DLGAP4: variants seen among roughly 807,000 people sequenced by gnomAD.
The protein encoded by DLGAP4 is DLG associated protein 4.
DLGAP4 carries 18 observed loss-of-function variants against 86.9 expected under a neutral mutation model. The observed-to-expected ratio is 0.21, with a 90% CI of 0.14 to 0.31. The LOEUF (loss-of-function observed/expected upper bound fraction) is 0.31. Among genes scored for constraint, DLGAP4 ranks in the 10% least tolerant of loss-of-function variants. DLGAP4 has a pLI of 1.00. For missense variants in DLGAP4, 1,085 were observed against 1,362.6 expected (o/e 0.80, Z 3.21); for synonymous variants, 548 against 574.3 (o/e 0.95, Z 0.65).
chr20:36,496,016 G>A (rs1157220505), intron 7 of DLGAP4, among the ~76,000 whole-genome samples: 3 of 152,140 alleles, frequency 2.0e-5, no homozygotes, highest in Admixed American at 6.5e-5. Context: ...GGGATTACAG[G>A]CATGCGCCAC....
At chr20:36,481,822 G>A (rs1324044003) in intron 7 of DLGAP4, among the ~76,000 whole-genome samples, 1 of 152,142 alleles carries the variant, frequency 6.6e-6, no homozygotes. Context: ...GAGTTCAGTG[G>A]GGACTGCGCC....
Position 36,320,681 on chromosome 20 carries a change from G to A in DLGAP4, c.-304+14169G>A, listed in dbSNP as rs545518045. ...TGAGCAGCCACACCTGGTACCTGGAGTCTGGGCCCCCCTGAGCCCTTTGCC... is the reference window on the plus strand; with the variant it reads ...TGAGCAGCCACACCTGGTACCTGGAATCTGGGCCCCCCTGAGCCCTTTGCC... On this transcript the variant is annotated intron_variant, in intron 1 of 12. Transcript: ENST00000339266. Among the ~76,000 whole-genome samples, 3 of 152,262 alleles carry A rather than the reference G, an allele frequency of 2.0e-5. No individual in the cohort carries two copies. In the East Asian group the frequency reaches 5.8e-4, roughly 29 times the overall value.
intron 7 of DLGAP4, among the ~76,000 whole-genome samples, chr20:36,455,515 T>C (rs1217677230): frequency 6.6e-6 from 1 of 152,114 alleles, no homozygotes; most frequent in East Asian, 1.9e-4. Flanking sequence ...TGCTTGTGGC[T>C]CTAGGCTGAC....
At chr20:36,333,276 TCTC>T (rs1463618879) in intron 1 of DLGAP4, among the ~76,000 whole-genome samples, 2 of 152,078 alleles carry the variant, frequency 1.3e-5, no homozygotes, top group Non-Finnish European at 2.9e-5. Flanking sequence ...ATGCAGCTCT[TCTC>T]CTTCTATTGG....
At chr20:36,516,753 C>A (rs2037061749) in intron 10 of DLGAP4, among the ~76,000 whole-genome samples, 1 of 151,292 alleles carries the variant, frequency 6.6e-6, no homozygotes, top group African/African-American at 2.4e-5. Flanking sequence ...GTTTCATTTC[C>A]TCTGAATAAA....
intron 4 of DLGAP4, among the ~76,000 whole-genome samples, chr20:36,437,186 C>A (rs1484728771): frequency 1.3e-5 from 2 of 152,228 alleles, no homozygotes; most frequent in Non-Finnish European, 2.9e-5. Context: ...GTTGGCCCTG[C>A]ACTCTGATGA....
chr20:36,370,546 G>C (rs2030886930), intron 2 of DLGAP4, among the ~76,000 whole-genome samples: 1 of 151,880 alleles, frequency 6.6e-6, no homozygotes, highest in South Asian at 2.1e-4. Context: ...TGGGGAGAAG[G>C]CCAAGGCATA....
At chr20:36,322,691 C>T (rs1426150471) in intron 1 of DLGAP4, among the ~76,000 whole-genome samples, 2 of 152,172 alleles carry the variant, frequency 1.3e-5, no homozygotes, top group African/African-American at 4.8e-5. Context: ...ATTAGTCCTG[C>T]TCATCTGCAG....
At chr20:36,400,970 C>A (rs1319304987) in intron 2 of DLGAP4, among the ~76,000 whole-genome samples, 1 of 152,094 alleles carries the variant, frequency 6.6e-6, no homozygotes, top group Non-Finnish European at 1.5e-5. Flanking sequence ...CCCCCTTTGC[C>A]GGAAAAACTG....
chr20:36,434,914 T>C (rs1276857354), intron 3 of DLGAP4, among the ~76,000 whole-genome samples: 3 of 152,054 alleles, frequency 2.0e-5, no homozygotes, highest in Non-Finnish European at 4.4e-5. Context: ...TGTGGTGACA[T>C]GTGCAGTCTG....
At chr20:36,447,161 G>A (rs2033614240) in intron 7 of DLGAP4, among the ~76,000 whole-genome samples, 1 of 152,192 alleles carries the variant, frequency 6.6e-6, no homozygotes, top group South Asian at 2.1e-4. Flanking sequence ...CACCCCTGGG[G>A]GGCATGGGAG....
intron 7 of DLGAP4, among the ~76,000 whole-genome samples, chr20:36,448,819 A>G (rs150855608): frequency 0.017 from 2,523 of 152,204 alleles, 28 homozygotes; most frequent in Non-Finnish European, 0.023. Flanking sequence ...CTGTAGTTCT[A>G]GCTACTTGGG....
intron 1 of DLGAP4, among the ~76,000 whole-genome samples, chr20:36,348,744 A>C (rs2030029127): frequency 6.6e-6 from 1 of 152,032 alleles, no homozygotes; most frequent in Non-Finnish European, 1.5e-5. Flanking sequence ...GGGGAAACAG[A>C]CACTAAACAA....
intron 7 of DLGAP4, among the ~76,000 whole-genome samples, chr20:36,488,234 A>AG (rs1424822193): frequency 6.7e-6 from 1 of 149,546 alleles, no homozygotes; most frequent in Non-Finnish European, 1.5e-5. Context: ...AGTGCAGCAG[A>AG]GGGGCCATCG....
intron 2 of DLGAP4, among the ~76,000 whole-genome samples, chr20:36,406,459 C>A (rs538054163): frequency 2.0e-5 from 3 of 151,648 alleles, no homozygotes; most frequent in Non-Finnish European, 4.4e-5. Context: ...CTCTGCTCTG[C>A]CAGGCACAGA....
At chr20:36,476,855 G>A (rs1052596463) in intron 7 of DLGAP4, among the ~76,000 whole-genome samples, 4 of 151,210 alleles carry the variant, frequency 2.6e-5, no homozygotes, top group Non-Finnish European at 4.4e-5. Flanking sequence ...CACCATACCC[G>A]GCTAATTTTG....
At chr20:36,340,398 G>A (rs782139104) in intron 1 of DLGAP4, among the ~76,000 whole-genome samples, 1 of 152,094 alleles carries the variant, frequency 6.6e-6, no homozygotes, top group African/African-American at 2.4e-5. Flanking sequence ...GCTGCTTCTC[G>A]GGAGAGACCC....
intron 2 of DLGAP4, among the ~76,000 whole-genome samples, chr20:36,381,230 A>G (rs1205353540): frequency 6.6e-6 from 1 of 152,264 alleles, no homozygotes; most frequent in Non-Finnish European, 1.5e-5. Flanking sequence ...AGTACTGCAC[A>G]TGACAGTGAC....
chr20:36,490,232 T>G (rs918299304), intron 7 of DLGAP4, among the ~76,000 whole-genome samples: 2 of 152,130 alleles, frequency 1.3e-5, no homozygotes, highest in Non-Finnish European at 2.9e-5. Context: ...GAGGGTCACA[T>G]GGACTGTCAA....
Sources: allele counts gnomAD v4.1 joint callset (sites outside exome capture counted in the v4.1 genomes callset), GRCh38; gene constraint gnomAD v4.1.1; transcripts MANE v1.5; gene names NCBI Gene and HGNC (gene_info 2026-07-23, HGNC 2026-07-21).